The following SULF1 variants were observed in gnomAD, a reference collection of about 807,000 sequenced individuals.
SULF1 encodes the protein sulfatase 1, also known as extracellular sulfatase Sulf-1.
SULF1 carries 46 observed loss-of-function variants against 110.5 expected under a neutral mutation model. The observed-to-expected ratio is 0.42, with a 90% confidence interval of 0.33 to 0.53. The LOEUF (loss-of-function observed/expected upper bound fraction) is 0.53. SULF1 is among the 20% of genes least tolerant of loss of function. The pLI is 0.12. For synonymous variants in SULF1, 371 were observed against 387.1 expected (o/e 0.96, Z 0.49); for missense variants, 941 against 1,094.2 (o/e 0.86, Z 1.98).
At chr8:69,547,989 A>G (rs985317988) in intron 3 of SULF1, among the ~76,000 whole-genome samples, 1 of 152,208 alleles carries the variant, frequency 6.6e-6, no homozygotes, top group Non-Finnish European at 1.5e-5. Flanking sequence ...AAGTTCATTT[A>G]TCTAACACCC....
intron 6 of SULF1, among the ~76,000 whole-genome samples, chr8:69,579,034 G>A (rs1219335448): frequency 2.0e-5 from 3 of 151,792 alleles, no homozygotes; most frequent in Non-Finnish European, 4.4e-5. Context: ...GGTGGCGGAC[G>A]CCTGTAGTCC....
chr8:69,573,170 T>C (rs1332996641), intron 5 of SULF1, among the ~76,000 whole-genome samples: 1 of 152,216 alleles, frequency 6.6e-6, no homozygotes. Flanking sequence ...AGCTGTATTC[T>C]TAACAGTGCC....
intron 8 of SULF1, chr8:69,597,041 A>G (rs896323490): frequency 2.0e-5 from 3 of 152,234 alleles, no homozygotes; most frequent in African/African-American, 7.2e-5. Flanking sequence ...AACATTCTGG[A>G]ATAACTCAAT....
intron 22 of SULF1, among the ~76,000 whole-genome samples, chr8:69,645,169 C>T (rs1586626956): frequency 6.6e-6 from 1 of 152,276 alleles, no homozygotes; most frequent in Middle Eastern, 3.4e-3. Flanking sequence ...AAAGCTCGGC[C>T]ATGAGAGCTG....
chr8:69,501,216 TTA>T (rs1342045659), intron 2 of SULF1, among the ~76,000 whole-genome samples: 1 of 146,312 alleles, frequency 6.8e-6, no homozygotes, highest in African/African-American at 2.8e-5. Context: ...TTATTCTATC[TTA>T]TATTATGTTC....
At chr8:69,571,205 G>A (rs1805205489) in intron 5 of SULF1, among the ~76,000 whole-genome samples, 1 of 152,194 alleles carries the variant, frequency 6.6e-6, no homozygotes, top group Non-Finnish European at 1.5e-5. Context: ...AGAAGAAGAT[G>A]GAAGAGGCAG....
rs370346553 is a variant in SULF1 at position 69,576,105 on chromosome 8, A to G, written c.308A>G (p.His103Arg). 2 of 1,614,048 alleles carry G rather than the reference A, an allele frequency of 1.2e-6. No individual in the cohort carries two copies. Among genetic ancestry groups the G allele is most frequent in the Non-Finnish European group, 1.7e-6 (2 of 1,180,044 alleles). The change falls in exon 6 of 23, where the codon CAC (histidine) becomes CGC (arginine). Residue 103 changes from histidine (H) to arginine (R), a missense_variant. Physicochemically the swap from His to Arg is conservative, Grantham distance 29. This residue lies in a region of SULF1 where 822 missense variants were observed against 934.3 expected (regional missense o/e 0.88). Coordinates refer to ENST00000402687, the MANE Select transcript of SULF1 (RefSeq NM_001128205.2). ...CTCACCGGGAAGTATGTGCACAATC[A>G]CAATGTCTACACCAACAACGAGAAC... ...SMLTGKYVHN[H>R]NVYTNNENCS...
chr8:69,567,336 G>T (rs1372805941), intron 5 of SULF1, among the ~76,000 whole-genome samples: 2 of 152,144 alleles, frequency 1.3e-5, no homozygotes, highest in Admixed American at 6.5e-5. Context: ...GATTTTGGGT[G>T]TTGGTTGTTT....
intron 21 of SULF1, among the ~76,000 whole-genome samples, chr8:69,639,233 A>G (rs1051749799): frequency 6.6e-6 from 1 of 152,204 alleles, no homozygotes; most frequent in African/African-American, 2.4e-5. Flanking sequence ...TCTTTTTTTA[A>G]GAGAACTTTG....
chr8:69,644,737 A>C (rs758510890), intron 22 of SULF1, among the ~76,000 whole-genome samples: 135 of 145,522 alleles, frequency 9.3e-4, no homozygotes, highest in Non-Finnish European at 1.5e-3. Flanking sequence ...CTCCTGCCTG[A>C]GTGACAGAGG....
rs949311541 is a variant in SULF1, at chr8:69,602,087, G to C, written c.1061+258G>C. Among the ~76,000 whole-genome samples the C allele has an allele frequency of 3.9e-4, 59 of 151,600 alleles. 1 individual carries two copies. The highest frequency in any genetic ancestry group is 1.3e-3 in the African/African-American group (55 of 41,270). The stretch of plus-strand genomic sequence containing the variant: ...AATTGACTGGAATCTATGTCTTTTT[G>C]GTCTGTGTGCACAGACAGGATGTGA... On this transcript the variant is annotated intron_variant, in intron 10 of 22. Coordinates refer to ENST00000402687, the MANE Select transcript of SULF1 (RefSeq NM_001128205.2).
upstream of SULF1, among the ~76,000 whole-genome samples, chr8:69,489,967 G>A (rs1809861611): frequency 6.6e-6 from 1 of 152,058 alleles, no homozygotes; most frequent in South Asian, 2.1e-4. Flanking sequence ...GAGATGTTCA[G>A]GCTCTGTCTG....
intron 3 of SULF1, among the ~76,000 whole-genome samples, chr8:69,506,084 T>C (rs994120756): frequency 4.0e-4 from 61 of 152,344 alleles, no homozygotes; most frequent in African/African-American, 1.4e-3. Flanking sequence ...TTTATTGTTT[T>C]GTTTTCACCT....
At chr8:69,545,216 C>G (rs1814170467) in intron 3 of SULF1, among the ~76,000 whole-genome samples, 1 of 149,798 alleles carries the variant, frequency 6.7e-6, no homozygotes, top group African/African-American at 2.5e-5. Flanking sequence ...ATTTCTTGTT[C>G]CCACTTACCT....
chr8:69,629,089 G>A (rs924435057), intron 18 of SULF1, among the ~76,000 whole-genome samples: 6 of 152,040 alleles, frequency 3.9e-5, no homozygotes, highest in African/African-American at 7.2e-5. Context: ...GCTTTAGTGC[G>A]GTGGTGCAAT....
chr8:69,475,396 C>A (rs1302656169), intron 1 of SULF1, among the ~76,000 whole-genome samples: 3 of 145,516 alleles, frequency 2.1e-5, no homozygotes, highest in Admixed American at 1.4e-4. Flanking sequence ...GACAATTGAT[C>A]CCCAGAGTTC....
chr8:69,555,673 C>A (rs975034820), intron 3 of SULF1, among the ~76,000 whole-genome samples: 1 of 151,738 alleles, frequency 6.6e-6, no homozygotes, highest in African/African-American at 2.4e-5. Context: ...AAAAAGTATG[C>A]CAATGGGGTT....
chr8:69,648,103 C>G (rs1472945046), intron 22 of SULF1, among the ~76,000 whole-genome samples: 1 of 149,060 alleles, frequency 6.7e-6, no homozygotes, highest in Non-Finnish European at 1.5e-5. Context: ...AGATGAATAC[C>G]AGTTTGGTCC....
At chr8:69,556,970 G>A (rs1248071998) in intron 3 of SULF1, among the ~76,000 whole-genome samples, 1 of 152,076 alleles carries the variant, frequency 6.6e-6, no homozygotes, top group Non-Finnish European at 1.5e-5. Context: ...CCCCACATGG[G>A]TCCATGTGTT....
Sources: allele counts gnomAD v4.1 joint callset (sites outside exome capture counted in the v4.1 genomes callset), GRCh38; gene constraint gnomAD v4.1.1; regional missense constraint gnomAD v4.1.1; transcripts MANE v1.5; gene names NCBI Gene and HGNC (gene_info 2026-07-23, HGNC 2026-07-21).